Variants in ULK4 observed in about 807,000 individuals in gnomAD.
ULK4 encodes the protein unc-51 like kinase 4, also known as inactive serine/threonine-protein kinase ULK4.
Under a neutral mutation model 160.6 loss-of-function variants are expected in ULK4, and 133 were observed. That is an observed-to-expected ratio of 0.83 (90% CI 0.72 to 0.96). The LOEUF (loss-of-function observed/expected upper bound fraction) is 0.96, where lower values mean the gene tolerates loss of function less well. ULK4 is among the 40% of genes least tolerant of loss of function. The pLI is 0.00. For missense variants in ULK4, 1,580 were observed against 1,499.5 expected, an observed-to-expected ratio of 1.05 and a Z score of -0.89; for synonymous variants, 534 against 539.8, an observed-to-expected ratio of 0.99 and a Z score of 0.15.
chr3:41,622,196 A>C (rs879710770), intron 30 of ULK4, among the ~76,000 whole-genome samples: 2 of 152,230 alleles, frequency 1.3e-5, no homozygotes, highest in Admixed American at 1.3e-4. Flanking sequence ...TGAGAAAGAC[A>C]GTGTGGCAAT....
chr3:41,824,906 G>A (rs2041289771), intron 18 of ULK4, among the ~76,000 whole-genome samples: 2 of 152,214 alleles, frequency 1.3e-5, no homozygotes, highest in Non-Finnish European at 2.9e-5. Context: ...CTAACTGGGA[G>A]GCACCCCCAG....
chr3:41,917,661 T>C (rs1699014661), intron 7 of ULK4, among the ~76,000 whole-genome samples: 1 of 152,138 alleles, frequency 6.6e-6, no homozygotes, highest in African/African-American at 2.4e-5. Context: ...TCCAACACTT[T>C]AAAAATAATA....
chr3:41,687,178 T>A lies in ULK4; in HGVS notation c.2782-5374A>T, dbSNP rs575715259. Among the ~76,000 whole-genome samples, 7 of 152,164 alleles carry A rather than the reference T, an allele frequency of 4.6e-5. No individual in the cohort carries two copies. In the South Asian group the frequency reaches 1.2e-3, roughly 27 times the overall value. ...TCACGAGGTCAAGAGATCAAGACCATCCTGGCCAACATGGTGAAACCCCGT... is the reference window on the plus strand; with the variant it reads ...TCACGAGGTCAAGAGATCAAGACCAACCTGGCCAACATGGTGAAACCCCGT... On this transcript the variant is annotated intron_variant, in intron 27 of 36. Transcript: ENST00000301831.
At chr3:41,951,449 T>C (rs1000161496) in intron 2 of ULK4, among the ~76,000 whole-genome samples, 3 of 148,906 alleles carry the variant, frequency 2.0e-5, no homozygotes, top group African/African-American at 7.4e-5. Context: ...CAAAGCTTAC[T>C]ACAAAGCTAC....
intron 11 of ULK4, among the ~76,000 whole-genome samples, chr3:41,910,303 A>T (rs1336510231): frequency 6.6e-6 from 1 of 152,246 alleles, no homozygotes; most frequent in African/African-American, 2.4e-5. Flanking sequence ...CATATAGAAA[A>T]GTATTAAAAG....
chr3:41,883,513 C>T (rs1278268434), intron 17 of ULK4, among the ~76,000 whole-genome samples: 1 of 152,098 alleles, frequency 6.6e-6, no homozygotes, highest in African/African-American at 2.4e-5. Context: ...AGGTGAAAGG[C>T]CAAAATAATT....
At chr3:41,431,575 G>A in intron 34 of ULK4, among the ~76,000 whole-genome samples, 1 of 39,660 alleles carries the variant, frequency 2.5e-5, no homozygotes, top group South Asian at 8.4e-4. Flanking sequence ...TGTGGAAAGA[G>A]AGGCTTACTA....
At chr3:41,297,474 G>A (rs909016141) in intron 35 of ULK4, among the ~76,000 whole-genome samples, 3 of 152,212 alleles carry the variant, frequency 2.0e-5, no homozygotes, top group African/African-American at 7.2e-5. Flanking sequence ...ACTTAAAAGT[G>A]GAGTGGCAGA....
At chr3:41,902,801 C>T (rs748340241) in intron 12 of ULK4, among the ~76,000 whole-genome samples, 2 of 152,078 alleles carry the variant, frequency 1.3e-5, no homozygotes, top group Non-Finnish European at 2.9e-5. Context: ...TAATTATGTG[C>T]TCTTAGGGAA....
At chr3:41,597,609 A>T (rs1200273070) in intron 31 of ULK4, among the ~76,000 whole-genome samples, 3 of 152,160 alleles carry the variant, frequency 2.0e-5, no homozygotes, top group Admixed American at 6.5e-5. Context: ...TAGGCCACAG[A>T]GAGTGAGTGT....
At chr3:41,794,522 G>A (rs1196116514) in intron 20 of ULK4, among the ~76,000 whole-genome samples, 1 of 151,506 alleles carries the variant, frequency 6.6e-6, no homozygotes, top group Non-Finnish European at 1.5e-5. Flanking sequence ...AAATTGGCCG[G>A]GCATGGTGGA....
At chr3:41,589,702 A>C (rs991949346) in intron 31 of ULK4, among the ~76,000 whole-genome samples, 1 of 152,196 alleles carries the variant, frequency 6.6e-6, no homozygotes, top group African/African-American at 2.4e-5. Context: ...AATAATCTAA[A>C]AGTAACTTTA....
chr3:41,946,898 T>C (rs1278504110), intron 2 of ULK4, among the ~76,000 whole-genome samples: 1 of 152,152 alleles, frequency 6.6e-6, no homozygotes. Flanking sequence ...CTGTGGTCTT[T>C]GAAAAATCTC....
At chr3:41,446,300 T>C (rs1350996411) in intron 34 of ULK4, among the ~76,000 whole-genome samples, 2 of 152,110 alleles carry the variant, frequency 1.3e-5, no homozygotes, top group African/African-American at 2.4e-5. Flanking sequence ...AGTTCAACCA[T>C]TGTGGAAGTC....
At chr3:41,955,741 A>T (rs942629125) in intron 1 of ULK4, 6 of 152,120 alleles carry the variant, frequency 3.9e-5, no homozygotes, top group Non-Finnish European at 5.9e-5. Context: ...GCCATGAAGA[A>T]AGTGGCCACA....
chr3:41,291,357 A>G (rs1190268372), intron 35 of ULK4, among the ~76,000 whole-genome samples: 1 of 115,666 alleles, frequency 8.6e-6, no homozygotes, highest in Non-Finnish European at 1.9e-5. Flanking sequence ...GGAGAAAGAG[A>G]AAGAAAAAGT....
chr3:41,829,240 G>A (rs1342197111), intron 18 of ULK4, among the ~76,000 whole-genome samples: 2 of 147,750 alleles, frequency 1.4e-5, no homozygotes, highest in Admixed American at 6.7e-5. Flanking sequence ...GCATGGGCAA[G>A]GACTTCATGT....
intron 30 of ULK4, among the ~76,000 whole-genome samples, chr3:41,643,940 T>G (rs2034360216): frequency 6.6e-6 from 1 of 152,144 alleles, no homozygotes. Context: ...AGGTATTTTA[T>G]TCTCTTTGAA....
intron 32 of ULK4, among the ~76,000 whole-genome samples, chr3:41,479,434 C>T (rs2084245011): frequency 6.6e-6 from 1 of 152,186 alleles, no homozygotes; most frequent in Admixed American, 6.5e-5. Flanking sequence ...CAGGATAAAG[C>T]ACCAGTTGGT....
Sources: gnomAD v4.1 joint callset for allele counts (sites outside exome capture counted in the v4.1 genomes callset) on GRCh38, gnomAD v4.1.1 for gene constraint, MANE v1.5 for transcripts, NCBI Gene and HGNC (gene_info 2026-07-23, HGNC 2026-07-21) for gene names.